NTN4: variants seen among roughly 807,000 people sequenced by gnomAD.
NTN4 encodes the protein netrin-4.
A neutral mutation model predicts 73.6 loss-of-function variants in NTN4; 32 were observed. The ratio of observed to expected loss-of-function variants is 0.44; its 90% CI spans 0.33 to 0.58. The LOEUF (loss-of-function observed/expected upper bound fraction) is 0.58, where lower values mean the gene tolerates loss of function less well. Ranked by LOEUF, NTN4 falls within the 20% of genes least tolerant of loss-of-function variation. The pLI, the probability that NTN4 is intolerant of heterozygous loss-of-function variation, is 0.04. For synonymous variants in NTN4, 258 were observed against 287.5 expected, an observed-to-expected ratio of 0.90 and a Z score of 1.04; for missense variants, 654 against 798.3, an observed-to-expected ratio of 0.82 and a Z score of 2.18.
chr12:95,702,097 T>G (rs2078489041), intron 5 of NTN4, among the ~76,000 whole-genome samples: 1 of 151,842 alleles, frequency 6.6e-6, no homozygotes, highest in African/African-American at 2.4e-5. Context: ...CTGGCCAACA[T>G]AGGGAAACCC....
At chr12:95,694,372 A>G (rs1592669338) in intron 5 of NTN4, among the ~76,000 whole-genome samples, 1 of 143,560 alleles carries the variant, frequency 7.0e-6, no homozygotes, top group Non-Finnish European at 1.5e-5. Context: ...CAGGCTCCCA[A>G]CATTGTTTTC....
At chr12:95,684,012 T>G (rs577338710) in intron 5 of NTN4, among the ~76,000 whole-genome samples, 1 of 152,110 alleles carries the variant, frequency 6.6e-6, no homozygotes, top group African/African-American at 2.4e-5. Context: ...GAAGACAGGG[T>G]GGAAGGATTC....
At chr12:95,664,798 A>C (rs954565636) in intron 9 of NTN4, among the ~76,000 whole-genome samples, 5 of 152,024 alleles carry the variant, frequency 3.3e-5, no homozygotes, top group South Asian at 2.1e-4. Context: ...TTTTTAGTAG[A>C]GATGGGGTTT....
In NTN4 at chr12:95,659,256, T is replaced by C. The variant is rs747697689; in HGVS notation, c.1751-34A>G. The C allele has an allele frequency of 5.8e-6, 9 of 1,544,628 alleles. No homozygotes were observed. The African/African-American group carries it at 9.7e-5, about 17-fold the overall frequency. ...GAACAAAATTAGGGGCTATACAGTA[T>C]CATACTTTGTTGAAGGGAGAGATGT... is the stretch of plus-strand genomic sequence containing the variant. On this transcript the variant is annotated intron_variant, in intron 9 of 9. Coordinates refer to ENST00000343702, the MANE Select transcript of NTN4 (RefSeq NM_021229.4).
At chr12:95,745,825 ACATTTT>A (rs2078857910) in intron 2 of NTN4, among the ~76,000 whole-genome samples, 1 of 151,748 alleles carries the variant, frequency 6.6e-6, no homozygotes, top group Non-Finnish European at 1.5e-5. Flanking sequence ...TCTTGCTTTT[ACATTTT>A]GTTATGTGGG....
intron 2 of NTN4, among the ~76,000 whole-genome samples, chr12:95,759,652 G>A (rs916735653): frequency 6.6e-6 from 1 of 151,924 alleles, no homozygotes; most frequent in Non-Finnish European, 1.5e-5. Context: ...AGTAAAGACG[G>A]GGTTTTACCA....
In NTN4 at chr12:95,759,430, A is replaced by G. The variant is rs994279454; in HGVS notation, c.586-21286T>C. The stretch of plus-strand genomic sequence containing the variant: ...TAATAGTTTCTATTGTTATGCCTCC[A>G]AGTTCACCAAACTTTTCCTCTGCAC... On this transcript the variant is annotated intron_variant, in intron 2 of 9. Coordinates refer to ENST00000343702, the MANE Select transcript of NTN4 (RefSeq NM_021229.4). 7.3e-5 allele frequency among the ~76,000 whole-genome samples: 11 copies of G among 151,626 alleles called. No homozygotes were observed. The South Asian group carries it at 1.9e-3, about 26-fold the overall frequency.
At chr12:95,681,130 A>G (rs1313149734) in intron 7 of NTN4, among the ~76,000 whole-genome samples, 2 of 148,116 alleles carry the variant, frequency 1.4e-5, no homozygotes, top group African/African-American at 5.0e-5. Flanking sequence ...CGGAGGTTGC[A>G]GTGAGCCAAG....
intron 3 of NTN4, among the ~76,000 whole-genome samples, chr12:95,728,810 T>A (rs560787077): frequency 6.6e-6 from 1 of 152,068 alleles, no homozygotes; most frequent in Non-Finnish European, 1.5e-5. Context: ...TGGGAGGCGA[T>A]TGGATCATGG....
chr12:95,759,491 G>T (rs56312728), intron 2 of NTN4, among the ~76,000 whole-genome samples: 39,158 of 136,072 alleles, frequency 0.29, 6,072 homozygotes, highest in South Asian at 0.42. Flanking sequence ...TAGTATTTTT[G>T]TTTTTTTTTT....
At chr12:95,757,371 C>T (rs2078953725) in intron 2 of NTN4, among the ~76,000 whole-genome samples, 1 of 152,128 alleles carries the variant, frequency 6.6e-6, no homozygotes, top group African/African-American at 2.4e-5. Context: ...GTACTTGAAC[C>T]CAGGTTGTTG....
chr12:95,761,715 G>A (rs892063053), intron 2 of NTN4, among the ~76,000 whole-genome samples: 1 of 152,060 alleles, frequency 6.6e-6, no homozygotes, highest in African/African-American at 2.4e-5. Flanking sequence ...TACAAAACCT[G>A]GTCACACTAG....
chr12:95,787,051 T>C lies in NTN4; in HGVS notation c.473A>G (p.Lys158Arg). Residue 158 changes from lysine (K) to arginine (R), a missense_variant, in exon 2 of 10, where the codon AAG (lysine) becomes AGG (arginine). Transcript: ENST00000343702. The stretch of plus-strand genomic sequence containing the variant: ...AGCGGAGCAGTTAGTCGCAAAGTAC[T>C]TATAAGGCTTCCATGTTTTCCCAAA... ...QDFGKTWKPY[K>R]YFATNCSATF... The C allele has an allele frequency of 6.2e-7, 1 of 1,614,218 alleles. No individual in the cohort carries two copies. The highest frequency in any genetic ancestry group is 1.7e-5 in the Admixed American group (1 of 60,028).
At position 95,738,038 on chromosome 12, in the gene NTN4, C is replaced by T. The variant is rs754103891; in HGVS notation, c.692G>A (p.Arg231Gln). 1.2e-6 allele frequency: 2 copies of T among 1,614,120 alleles called. No individual in the cohort carries two copies. The highest frequency in any genetic ancestry group is 1.7e-5 in the Admixed American group (1 of 60,016). The change falls in exon 3 of 10, where the codon CGA becomes CAA. Residue 231 changes from arginine to glutamine, a missense_variant. Transcript: ENST00000343702. Reference protein sequence around the residue: ...ITNLRVQLLKRQSCPCQRNDL... With the variant: ...ITNLRVQLLKQQSCPCQRNDL... ...ATTTCTCTGACAGGGACAAGACTGT[C>T]GTTTCAGCAGCTGCACGCGAAGGTT... is the stretch of plus-strand genomic sequence containing the variant.
At chr12:95,673,625 TTA>T in intron 7 of NTN4, 1 of 30,998 alleles carries the variant, frequency 3.2e-5, no homozygotes, top group East Asian at 2.6e-3. Context: ...ACATTTACTT[TTA>T]TAAAAAAAAA....
chr12:95,668,880 C>G (rs1341809910), intron 8 of NTN4, among the ~76,000 whole-genome samples: 1 of 152,152 alleles, frequency 6.6e-6, no homozygotes, highest in East Asian at 1.9e-4. Flanking sequence ...AATCCCAGCA[C>G]TTTGGGAGGC....
At chr12:95,748,565 G>T (rs145665968) in intron 2 of NTN4, among the ~76,000 whole-genome samples, 1 of 147,136 alleles carries the variant, frequency 6.8e-6, no homozygotes, top group Admixed American at 6.9e-5. Flanking sequence ...GCAACCTCCC[G>T]GTTCAAGTGA....
chr12:95,689,771 C>T (rs1297166471), intron 5 of NTN4, among the ~76,000 whole-genome samples: 1 of 152,190 alleles, frequency 6.6e-6, no homozygotes, highest in Non-Finnish European at 1.5e-5. Flanking sequence ...TTCCTTATTC[C>T]AATGCAGTTG....
chr12:95,756,014 G>C (rs1173259380), intron 2 of NTN4, among the ~76,000 whole-genome samples: 1 of 152,204 alleles, frequency 6.6e-6, no homozygotes, highest in Non-Finnish European at 1.5e-5. Context: ...CAATGGGCTA[G>C]TCCAATTAGA....
Sources: allele counts gnomAD v4.1 joint callset (sites outside exome capture counted in the v4.1 genomes callset), GRCh38; gene constraint gnomAD v4.1.1; transcripts MANE v1.5; gene names NCBI Gene and HGNC (gene_info 2026-07-23, HGNC 2026-07-21).